Variants in APP observed in about 807,000 individuals in gnomAD.
The protein encoded by APP is amyloid-beta precursor protein.
APP carries 31 observed loss-of-function variants against 101.4 expected under a neutral mutation model. The ratio of observed to expected loss-of-function variants is 0.31; its 90% CI spans 0.23 to 0.41. APP has a LOEUF of 0.41. APP is among the 10% of genes least tolerant of loss of function. The pLI is 1.00. For synonymous variants in APP, 366 were observed against 364.4 expected (o/e 1.00, Z -0.05); for missense variants, 839 against 1,003.7 (o/e 0.84, Z 2.22).
chr21:25,939,927 C>T (rs1406574426), intron 13 of APP, among the ~76,000 whole-genome samples: 1 of 152,140 alleles, frequency 6.6e-6, no homozygotes, highest in African/African-American at 2.4e-5. Flanking sequence ...GCATCTCCTT[C>T]CTTTTTAATC....
chr21:26,117,159 C>T (rs1251882713), intron 1 of APP, among the ~76,000 whole-genome samples: 2 of 152,236 alleles, frequency 1.3e-5, no homozygotes, highest in Non-Finnish European at 2.9e-5. Flanking sequence ...GTTGGGATTA[C>T]AGGCATGAGC....
Position 26,026,853 on chromosome 21 carries a change from G to C in APP, c.663-4811C>G, listed in dbSNP as rs565407371. Among the ~76,000 whole-genome samples, 38 of 152,330 alleles carry C rather than the reference G, an allele frequency of 2.5e-4. No individual in the cohort carries two copies. The South Asian group carries it at 7.5e-3, about 30-fold the overall frequency. On this transcript the variant is annotated intron_variant, in intron 5 of 17. Coordinates refer to ENST00000346798, the MANE Select transcript of APP (RefSeq NM_000484.4). ...CTAATGTAAACTATGGACTTTGGGT[G>C]ATAATAATGGTGTCAGTGTAGGTTC...
At chr21:25,944,013 GATGGGCAGACAA>G (rs1475946198) in intron 13 of APP, among the ~76,000 whole-genome samples, 1 of 151,578 alleles carries the variant, frequency 6.6e-6, no homozygotes, top group East Asian at 1.9e-4. Flanking sequence ...GCCCTCAGGG[GATGGGCAGACAA>G]ATTTCAATGC....
At chr21:26,033,875 T>C (rs1171474037) in intron 5 of APP, among the ~76,000 whole-genome samples, 1 of 152,120 alleles carries the variant, frequency 6.6e-6, no homozygotes, top group Non-Finnish European at 1.5e-5. Flanking sequence ...TGGAGAATAG[T>C]TACTAATGGT....
At chr21:26,071,470 A>G (rs1000008568) in intron 3 of APP, among the ~76,000 whole-genome samples, 1 of 152,228 alleles carries the variant, frequency 6.6e-6, no homozygotes, top group Non-Finnish European at 1.5e-5. Context: ...AAGGCAACAG[A>G]AAAGTGTCTG....
intron 16 of APP, among the ~76,000 whole-genome samples, chr21:25,893,864 G>A (rs1453209699): frequency 6.6e-6 from 1 of 152,190 alleles, no homozygotes; most frequent in African/African-American, 2.4e-5. Context: ...AGACTTATTT[G>A]GAAGAAAATG....
chr21:26,087,662 G>A (rs1601426346), intron 3 of APP, among the ~76,000 whole-genome samples: 1 of 152,204 alleles, frequency 6.6e-6, no homozygotes, highest in African/African-American at 2.4e-5. Flanking sequence ...TCTCCAGCCT[G>A]TGCTTCACAG....
chr21:25,887,799 AG>A (rs1423794783), intron 17 of APP, among the ~76,000 whole-genome samples: 1 of 152,328 alleles, frequency 6.6e-6, no homozygotes, highest in Non-Finnish European at 1.5e-5. Flanking sequence ...GTAGGTGTGT[AG>A]CCCAGGTGTG....
chr21:25,897,433 A>G, intron 16 of APP, 140 bp downstream of exon 16: 1 of 772,444 alleles, frequency 1.3e-6, no homozygotes, highest in East Asian at 2.6e-5. Flanking sequence ...TATTTTCTTC[A>G]TGTTTTCATG....
chr21:26,039,397 T>C (rs2045271387), intron 5 of APP, among the ~76,000 whole-genome samples: 1 of 152,196 alleles, frequency 6.6e-6, no homozygotes, highest in Admixed American at 6.6e-5. Flanking sequence ...TGGTCTCAAA[T>C]GTAAAAGAAA....
At chr21:26,166,775 TC>T (rs2063619594) in intron 1 of APP, among the ~76,000 whole-genome samples, 1 of 152,132 alleles carries the variant, frequency 6.6e-6, no homozygotes, top group Non-Finnish European at 1.5e-5. Flanking sequence ...AGCTCTCTGG[TC>T]CTGCATTCAG....
intron 17 of APP, among the ~76,000 whole-genome samples, chr21:25,884,907 C>T (rs148197466): frequency 1.3e-5 from 2 of 152,360 alleles, no homozygotes; most frequent in African/African-American, 4.8e-5. Flanking sequence ...CCTCTTCAAA[C>T]TCCAAAGCCT....
intron 1 of APP, among the ~76,000 whole-genome samples, chr21:26,138,694 G>GAAAACAAAACAAAACAAAAC (rs151222318): frequency 5.3e-5 from 8 of 150,164 alleles, no homozygotes; most frequent in African/African-American, 1.7e-4. Context: ...GCCTGTCTCA[G>GAAAACAAAACAAAACAAAAC]AAAACAAAAC....
chr21:26,166,215 T>C (rs565882254), intron 1 of APP, among the ~76,000 whole-genome samples: 7 of 152,340 alleles, frequency 4.6e-5, no homozygotes, highest in South Asian at 2.1e-4. Flanking sequence ...CTTTTCTTCT[T>C]ATACAACAAT....
chr21:26,086,101 A>T (rs1344841534), intron 3 of APP, among the ~76,000 whole-genome samples: 1 of 152,246 alleles, frequency 6.6e-6, no homozygotes, highest in East Asian at 1.9e-4. Context: ...CTATTACACC[A>T]TGAAGAGCAG....
chr21:25,966,601 T>G (rs144490180), intron 11 of APP, among the ~76,000 whole-genome samples: 46 of 152,354 alleles, frequency 3.0e-4, no homozygotes, highest in African/African-American at 1.1e-3. Flanking sequence ...AATTTTTAAC[T>G]TACTATCAGT....
intron 5 of APP, among the ~76,000 whole-genome samples, chr21:26,032,337 C>A (rs1254024589): frequency 1.3e-5 from 2 of 152,130 alleles, no homozygotes; most frequent in African/African-American, 4.8e-5. Flanking sequence ...TTTGTGAATT[C>A]TTTTCCTTTC....
intron 3 of APP, among the ~76,000 whole-genome samples, chr21:26,060,514 C>T (rs919631458): frequency 2.6e-5 from 4 of 152,104 alleles, no homozygotes; most frequent in African/African-American, 9.7e-5. Context: ...GTGAACAAAA[C>T]AGATAAAACG....
chr21:25,904,942 G>T, intron 15 of APP, 82 bp downstream of exon 15: 1 of 1,228,038 alleles, frequency 8.1e-7, no homozygotes, highest in Non-Finnish European at 1.2e-6. Flanking sequence ...ATTGAGAGAG[G>T]CTTAAAATGC....
Sources: allele counts gnomAD v4.1 joint callset (sites outside exome capture counted in the v4.1 genomes callset), GRCh38; gene constraint gnomAD v4.1.1; transcripts MANE v1.5; gene names NCBI Gene and HGNC (gene_info 2026-07-23, HGNC 2026-07-21).